JPH1: variants seen among roughly 807,000 people sequenced by gnomAD.
The protein encoded by JPH1 is junctophilin-1.
JPH1 carries 12 observed loss-of-function variants against 53.6 expected under a neutral mutation model. The ratio of observed to expected loss-of-function variants is 0.22; its 90% CI spans 0.14 to 0.36. JPH1 has a LOEUF of 0.36. Among genes scored for constraint, JPH1 ranks in the 10% least tolerant of loss-of-function variants. JPH1 has a pLI of 1.00. For synonymous variants in JPH1, 375 were observed against 363.8 expected, an observed-to-expected ratio of 1.03 and a Z score of -0.35; for missense variants, 808 against 905.5, an observed-to-expected ratio of 0.89 and a Z score of 1.38.
chr8:74,236,178 T>C lies in JPH1; in HGVS notation c.*873A>G, dbSNP rs1480451827. Reference sequence around the variant, plus strand: ...TAAAAATATTTAGAATTAAATTAGTTCTTAGGAAGGCATAGTGTCTTCAAA... The same window carrying C: ...TAAAAATATTTAGAATTAAATTAGTCCTTAGGAAGGCATAGTGTCTTCAAA... On this transcript the variant is annotated 3_prime_UTR_variant, in exon 6 of 6. Transcript: ENST00000342232. The C allele has an allele frequency of 2.6e-5, 4 of 152,222 alleles. No homozygotes were observed. The highest frequency in any genetic ancestry group is 7.2e-5 in the African/African-American group (3 of 41,456). 9.4% of individuals were successfully genotyped at this position (152,222 alleles called of 1,614,324 possible).
rs1586779460 is a variant in JPH1 at position 74,315,520 on chromosome 8, A to T, written c.480T>A (p.Arg160=). 2.5e-6 allele frequency: 4 copies of T among 1,606,196 alleles called. No individual in the cohort carries two copies. The highest frequency in any genetic ancestry group is 3.4e-6 in the Non-Finnish European group (4 of 1,177,518). ...CGCTGCGCAGCGAGGCCAGCGAGGT[A>T]CGCAGCGGTGAGCGGATCACCGTGG... ...GMATVIRSPL[R]TSLASLRSEQ... The change falls in exon 2 of 6, where the codon CGT becomes CGA. Residue 160 remains arginine, a synonymous_variant. Coordinates refer to ENST00000342232, the MANE Select transcript of JPH1 (RefSeq NM_020647.4). The surrounding 1 kb of genome is among the most constrained non-coding windows in gnomAD (Gnocchi z 6.3).
At chr8:74,294,967 ACTGT>A (rs1807462878) in intron 2 of JPH1, among the ~76,000 whole-genome samples, 1 of 152,224 alleles carries the variant, frequency 6.6e-6, no homozygotes, top group African/African-American at 2.4e-5. Context: ...GGTCTAAACG[ACTGT>A]CTGGTGGCAC....
At chr8:74,299,887 A>C (rs1807626879) in intron 2 of JPH1, among the ~76,000 whole-genome samples, 1 of 152,252 alleles carries the variant, frequency 6.6e-6, no homozygotes, top group African/African-American at 2.4e-5. Context: ...ACTTTTAAAC[A>C]ATAAAGTTTT....
chr8:74,290,970 A>C (rs558755932), intron 2 of JPH1, among the ~76,000 whole-genome samples: 1 of 152,354 alleles, frequency 6.6e-6, no homozygotes, highest in African/African-American at 2.4e-5. Flanking sequence ...CACCTTATAC[A>C]AAAATTAATT....
chr8:74,268,332 T>C lies in JPH1; in HGVS notation c.1140-8829A>G, dbSNP rs569758187. On this transcript the variant is annotated intron_variant, in intron 2 of 5. Transcript: ENST00000342232. ...GAATCTATATGATTCTGCATTGTTCTCCAGCAGGGCTGTCTCTTCTGGGAG... is the reference window on the plus strand; with the variant it reads ...GAATCTATATGATTCTGCATTGTTCCCCAGCAGGGCTGTCTCTTCTGGGAG... Among the ~76,000 whole-genome samples the C allele has an allele frequency of 2.2e-4, 34 of 152,278 alleles. No individual in the cohort carries two copies. In the South Asian group the frequency reaches 6.0e-3, roughly 27 times the overall value.
intron 2 of JPH1, among the ~76,000 whole-genome samples, chr8:74,283,615 C>T (rs1486243749): frequency 3.9e-5 from 6 of 152,170 alleles, no homozygotes; most frequent in Non-Finnish European, 7.3e-5. Context: ...AGCTTTGGCT[C>T]CACACACTCA....
intron 2 of JPH1, among the ~76,000 whole-genome samples, chr8:74,282,809 G>A (rs1266376647): frequency 2.0e-5 from 3 of 152,108 alleles, no homozygotes; most frequent in Non-Finnish European, 2.9e-5. Flanking sequence ...AGAGGGGACC[G>A]GGAACGTTTC....
chr8:74,242,070 T>C (rs561442932), intron 4 of JPH1, among the ~76,000 whole-genome samples: 1 of 152,184 alleles, frequency 6.6e-6, no homozygotes, highest in South Asian at 2.1e-4. Context: ...TTGAGGAAAA[T>C]CTTCCTCAAG....
At chr8:74,303,785 T>G (rs1245624955) in intron 2 of JPH1, among the ~76,000 whole-genome samples, 1 of 152,064 alleles carries the variant, frequency 6.6e-6, no homozygotes, top group Non-Finnish European at 1.5e-5. Context: ...TCACTGCCCC[T>G]TACTGTCCCC....
At chr8:74,254,225 A>G (rs1362290597) in intron 3 of JPH1, among the ~76,000 whole-genome samples, 2 of 152,158 alleles carry the variant, frequency 1.3e-5, no homozygotes, top group African/African-American at 2.4e-5. Context: ...CCTGGGATGC[A>G]AGGCTGGTTC....
At position 74,242,371 on chromosome 8, in the gene JPH1, C is replaced by T. The variant is rs117758974; in HGVS notation, c.1905+2158G>A. ...TGACTCATTTAATCTTCACAACAAC[C>T]CTGTGATAGGTACAGATGAGGAAAC... On this transcript the variant is annotated intron_variant, in intron 4 of 5. Transcript: ENST00000342232. Among the ~76,000 whole-genome samples, 654 of 152,270 alleles carry T rather than the reference C, an allele frequency of 4.3e-3. 4 individuals are homozygous for T. Among genetic ancestry groups the T allele is most frequent in the Non-Finnish European group, 5.6e-3 (381 of 68,022 alleles).
chr8:74,256,743 T>G (rs1806251660), intron 3 of JPH1, among the ~76,000 whole-genome samples: 1 of 152,128 alleles, frequency 6.6e-6, no homozygotes. Flanking sequence ...TGGCGATCAT[T>G]AAAAAGTCAG....
chr8:74,234,964 C>T lies in JPH1; in HGVS notation c.*2087G>A, dbSNP rs1463497965. On this transcript the variant is annotated 3_prime_UTR_variant, in exon 6 of 6. Coordinates refer to ENST00000342232, the MANE Select transcript of JPH1 (RefSeq NM_020647.4). ...CAGCTGTGCACATTTTAGAAAAATACCAACAATTTGAGCTTTGTTTTAAAA... is the reference window on the plus strand; with the variant it reads ...CAGCTGTGCACATTTTAGAAAAATATCAACAATTTGAGCTTTGTTTTAAAA... The T allele has an allele frequency of 7.9e-5, 12 of 152,484 alleles. No homozygotes were observed. Among genetic ancestry groups the T allele is most frequent in the Admixed American group, 7.9e-4 (12 of 15,264 alleles). 9.4% of individuals were successfully genotyped at this position (152,484 alleles called of 1,614,324 possible).
At chr8:74,294,592 C>T (rs1046156583) in intron 2 of JPH1, among the ~76,000 whole-genome samples, 17 of 152,208 alleles carry the variant, frequency 1.1e-4, no homozygotes, top group Admixed American at 1.0e-3. Flanking sequence ...TGAACCTCCA[C>T]GTAGCTATTA....
At chr8:74,313,447 T>G (rs1468802632) in intron 2 of JPH1, among the ~76,000 whole-genome samples, 1 of 151,850 alleles carries the variant, frequency 6.6e-6, no homozygotes, top group Non-Finnish European at 1.5e-5. Flanking sequence ...GGGATAAAGA[T>G]GAAAACCTTG....
At chr8:74,260,532 G>A (rs766054871) in intron 2 of JPH1, among the ~76,000 whole-genome samples, 2 of 152,180 alleles carry the variant, frequency 1.3e-5, no homozygotes, top group Non-Finnish European at 2.9e-5. Flanking sequence ...ACTAGGCAGG[G>A]CTATAAATAA....
intron 2 of JPH1, among the ~76,000 whole-genome samples, chr8:74,298,895 C>G (rs1020936847): frequency 1.3e-5 from 2 of 152,194 alleles, no homozygotes; most frequent in Non-Finnish European, 2.9e-5. Flanking sequence ...TCCTTGTTTT[C>G]AGGTTCTACT....
chr8:74,275,964 C>G (rs1467828296), intron 2 of JPH1, among the ~76,000 whole-genome samples: 1 of 152,028 alleles, frequency 6.6e-6, no homozygotes. Context: ...TAAAAATATT[C>G]CTAATTATGG....
rs533537126 is a variant in JPH1 at position 74,320,551 on chromosome 8, G to A, written c.379+358C>T. 5.7e-4 allele frequency among the ~76,000 whole-genome samples: 87 copies of A among 152,270 alleles called. No homozygotes were observed. The highest frequency in any genetic ancestry group is 8.9e-4 in the African/African-American group (37 of 41,570). On this transcript the variant is annotated intron_variant, in intron 1 of 5. Coordinates refer to ENST00000342232, the MANE Select transcript of JPH1 (RefSeq NM_020647.4). This position sits in a 1 kb window ranked among gnomAD's most constrained non-coding sequence, Gnocchi z 4.4. ...GCCGGGAGAGGGAGGGATCAGGAAC[G>A]TAATGTGACGGGCTCAAGTGACAGC...
Sources: gnomAD v4.1 joint callset for allele counts (sites outside exome capture counted in the v4.1 genomes callset) on GRCh38, gnomAD v4.1.1 for gene constraint, Gnocchi (gnomAD v3.1) non-coding constraint, MANE v1.5 for transcripts, NCBI Gene and HGNC (gene_info 2026-07-23, HGNC 2026-07-21) for gene names.